The following LRP5 variants were observed in gnomAD, a reference collection of about 807,000 sequenced individuals.
LRP5 encodes the protein LDL receptor related protein 5, also known as low-density lipoprotein receptor-related protein 5.
A neutral mutation model predicts 154.1 loss-of-function variants in LRP5; 62 were observed. The observed-to-expected ratio is 0.40, with a 90% CI of 0.33 to 0.50. LRP5 has a LOEUF of 0.50. Among genes scored for constraint, LRP5 ranks in the 20% least tolerant of loss-of-function variants. The pLI, the probability that LRP5 is intolerant of heterozygous loss-of-function variation, is 0.55. For missense variants in LRP5, 1,915 were observed against 2,336.7 expected (o/e 0.82, Z 3.72); for synonymous variants, 966 against 1,011.5 (o/e 0.96, Z 0.85).
chr11:68,413,395 A>G lies in LRP5; in HGVS notation c.2504-294A>G, dbSNP rs1266308370. Among the ~76,000 whole-genome samples, 1 of 152,178 alleles carries G rather than the reference A, an allele frequency of 6.6e-6. No homozygotes were observed. The highest frequency in any genetic ancestry group is 1.5e-5 in the Non-Finnish European group (1 of 68,028). On this transcript the variant is annotated intron_variant, in intron 11 of 22. Coordinates refer to ENST00000294304, the MANE Select transcript of LRP5 (RefSeq NM_002335.4). This position sits in a 1 kb window ranked among gnomAD's most constrained non-coding sequence, Gnocchi z 5.1. ...GGTCTCATTGCTGTGGGAGTGAAGG[A>G]TGCACAGCCAGGCCTGACATGATGA... is the stretch of plus-strand genomic sequence containing the variant.
chr11:68,323,976 A>G (rs639469), intron 1 of LRP5, among the ~76,000 whole-genome samples: 80,338 of 152,088 alleles, frequency 0.53, 22,295 homozygotes, highest in South Asian at 0.82. Context: ...GGCCACTGCC[A>G]CCCACAGTCC....
At chr11:68,373,073 G>C (rs1271718563) in intron 5 of LRP5, among the ~76,000 whole-genome samples, 1 of 152,146 alleles carries the variant, frequency 6.6e-6, no homozygotes, top group East Asian at 1.9e-4. Context: ...GGTTGTGGGG[G>C]GCGGCGCTAG....
At chr11:68,404,011 T>A (rs2098654161) in intron 8 of LRP5, 1 of 491,702 alleles carries the variant, frequency 2.0e-6, no homozygotes, top group Non-Finnish European at 3.7e-6. Context: ...CAAATGTAGT[T>A]CCTTGCCCTA....
chr11:68,417,449 CTTTTTTTTTTTTTTTTT>C (rs1161126346), intron 13 of LRP5, among the ~76,000 whole-genome samples: 1 of 41,598 alleles, frequency 2.4e-5, no homozygotes, highest in African/African-American at 1.1e-4. Flanking sequence ...AACAGATTGG[CTTTTTTTTTTTTTTTTT>C]TTTTTTTTTT....
In LRP5 at chr11:68,413,522, C is replaced by A. The variant is rs1039680310; in HGVS notation, c.2504-167C>A. On this transcript the variant is annotated intron_variant, in intron 11 of 22. Transcript: ENST00000294304. This position sits in a 1 kb window ranked among gnomAD's most constrained non-coding sequence, Gnocchi z 5.1. The stretch of plus-strand genomic sequence containing the variant: ...GTCACTTAATTTTGCTAGATCCTGC[C>A]TGCGCTTCAGTGGATCTTGCTGGTT... 7.2e-5 allele frequency among the ~76,000 whole-genome samples: 11 copies of A among 152,338 alleles called. No homozygotes were observed. Among genetic ancestry groups the A allele is most frequent in the South Asian group, 4.1e-4 (2 of 4,832 alleles).
intron 1 of LRP5, among the ~76,000 whole-genome samples, chr11:68,324,816 C>A (rs953436876): frequency 6.6e-6 from 1 of 152,208 alleles, no homozygotes; most frequent in African/African-American, 2.4e-5. Context: ...TTCACGGCCC[C>A]GTGGGCTGTG....
At chr11:68,324,813 C>T (rs1329083830) in intron 1 of LRP5, among the ~76,000 whole-genome samples, 8 of 152,188 alleles carry the variant, frequency 5.3e-5, no homozygotes, top group Non-Finnish European at 8.8e-5. Context: ...ACCTTCACGG[C>T]CCCGTGGGCT....
intron 2 of LRP5, among the ~76,000 whole-genome samples, chr11:68,351,333 G>C (rs940830524): frequency 2.6e-5 from 4 of 152,126 alleles, no homozygotes; most frequent in African/African-American, 9.7e-5. Flanking sequence ...GGCAGCCTCT[G>C]TTCCGCTTGG....
intron 7 of LRP5, among the ~76,000 whole-genome samples, chr11:68,395,890 G>A (rs375994325): frequency 6.6e-6 from 1 of 152,162 alleles, no homozygotes; most frequent in African/African-American, 2.4e-5. Flanking sequence ...AGGCTTCTGC[G>A]AGTCATGGCT....
intron 5 of LRP5, among the ~76,000 whole-genome samples, chr11:68,369,609 C>A (rs1210305917): frequency 1.6e-4 from 24 of 152,112 alleles, no homozygotes. Flanking sequence ...CCTGTCTCTA[C>A]TAAAAATACA....
At chr11:68,318,212 G>A (rs567621937) in intron 1 of LRP5, among the ~76,000 whole-genome samples, 21 of 151,606 alleles carry the variant, frequency 1.4e-4, no homozygotes, top group Non-Finnish European at 2.4e-4. Flanking sequence ...CCGCCACCAC[G>A]CCCGGCTAAT....
At chr11:68,361,900 C>T (rs1256889619) in intron 3 of LRP5, among the ~76,000 whole-genome samples, 3 of 152,210 alleles carry the variant, frequency 2.0e-5, no homozygotes, top group Non-Finnish European at 4.4e-5. Context: ...TTACGTATGA[C>T]CCAGCAATTC....
chr11:68,322,678 C>T (rs1338845308), intron 1 of LRP5, among the ~76,000 whole-genome samples: 2 of 152,282 alleles, frequency 1.3e-5, no homozygotes, highest in South Asian at 2.1e-4. Context: ...TGATCAGTAA[C>T]TGTTCTGAGG....
chr11:68,426,946 C>T (rs571614951), intron 16 of LRP5, among the ~76,000 whole-genome samples: 12 of 152,324 alleles, frequency 7.9e-5, no homozygotes, highest in Non-Finnish European at 1.0e-4. Flanking sequence ...GGACCACTCT[C>T]AGCTCCTAGA....
intron 1 of LRP5, among the ~76,000 whole-genome samples, chr11:68,340,978 G>C (rs759339668): frequency 1.3e-5 from 2 of 148,808 alleles, no homozygotes; most frequent in Non-Finnish European, 3.0e-5. Flanking sequence ...TGTTGTTACC[G>C]CAGTCATTTT....
At chr11:68,365,859 C>T (rs911818405) in intron 5 of LRP5, among the ~76,000 whole-genome samples, 157 bp downstream of exon 5, 3 of 152,276 alleles carry the variant, frequency 2.0e-5, no homozygotes, top group Non-Finnish European at 2.9e-5. Flanking sequence ...CCCAGCTACT[C>T]GGGAAGCTGA....
At chr11:68,308,960 A>C (rs1591156321), upstream of LRP5, among the ~76,000 whole-genome samples, 1 of 116,566 alleles carries the variant, frequency 8.6e-6, no homozygotes, top group Non-Finnish European at 1.7e-5. Context: ...GACGGAGTCT[A>C]ACTCTGTCGC....
chr11:68,378,335 G>T (rs2098638516), intron 5 of LRP5, among the ~76,000 whole-genome samples: 1 of 152,140 alleles, frequency 6.6e-6, no homozygotes, highest in Non-Finnish European at 1.5e-5. Flanking sequence ...AGTTCCTGGG[G>T]CTGCAGGTGG....
chr11:68,407,264 G>T (rs542963505), intron 9 of LRP5, among the ~76,000 whole-genome samples: 1 of 151,584 alleles, frequency 6.6e-6, no homozygotes, highest in Non-Finnish European at 1.5e-5. Context: ...CGCCTCCCAG[G>T]TTCAAGCGAT....
Sources: gnomAD v4.1 joint callset for allele counts (sites outside exome capture counted in the v4.1 genomes callset) on GRCh38, gnomAD v4.1.1 for gene constraint, Gnocchi (gnomAD v3.1) non-coding constraint, MANE v1.5 for transcripts, NCBI Gene and HGNC (gene_info 2026-07-23, HGNC 2026-07-21) for gene names.